CDH8: variants seen among roughly 807,000 people sequenced by gnomAD.
CDH8 encodes cadherin 8.
CDH8 carries 17 observed loss-of-function variants against 68.1 expected under a neutral mutation model. That is an observed-to-expected ratio of 0.25 (90% confidence interval 0.17 to 0.37). The LOEUF is 0.37. Among genes scored for constraint, CDH8 ranks in the 10% least tolerant of loss-of-function variants. CDH8 has a pLI of 1.00. For missense variants in CDH8, 763 were observed against 999.3 expected, an observed-to-expected ratio of 0.76 and a Z score of 3.19; for synonymous variants, 372 against 365.1, an observed-to-expected ratio of 1.02 and a Z score of -0.21.
chr16:61,760,321 T>TTATTTATC (rs1465663265), intron 8 of CDH8, among the ~76,000 whole-genome samples: 12 of 145,142 alleles, frequency 8.3e-5, no homozygotes, highest in Non-Finnish European at 1.2e-4. Flanking sequence ...ATTTATTTAT[T>TTATTTATC]TATCTACTGA....
At chr16:61,727,326 G>T in intron 8 of CDH8, 111 bp from the exon 9 acceptor site, 1 of 1,086,574 alleles carries the variant, frequency 9.2e-7, no homozygotes, top group Non-Finnish European at 1.3e-6. Context: ...TAATTAGGAT[G>T]TTTTCAACAT....
chr16:62,008,525 G>T (rs1458314775), intron 2 of CDH8, among the ~76,000 whole-genome samples: 1 of 151,914 alleles, frequency 6.6e-6, no homozygotes, highest in Admixed American at 6.6e-5. Context: ...GATGGGGAGG[G>T]TCTCGCTGTG....
At chr16:61,760,515 G>GT (rs1167649866) in intron 8 of CDH8, among the ~76,000 whole-genome samples, 1 of 151,758 alleles carries the variant, frequency 6.6e-6, no homozygotes, top group Non-Finnish European at 1.5e-5. Context: ...GCTTCACCAT[G>GT]TTGACCAGGC....
chr16:61,918,786 G>C (rs567683283), intron 2 of CDH8: 1 of 151,658 alleles, frequency 6.6e-6, no homozygotes, highest in Non-Finnish European at 1.5e-5. Context: ...CAAAGCAGCC[G>C]GGAAGCTCCA....
At chr16:61,727,007 T>C in intron 9 of CDH8, 87 bp downstream of exon 9, 1 of 1,372,222 alleles carries the variant, frequency 7.3e-7, no homozygotes, top group Non-Finnish European at 1.0e-6. Context: ...TCATAAATGA[T>C]GCAAATGCAC....
chr16:61,971,268 G>A (rs552196137), intron 2 of CDH8, among the ~76,000 whole-genome samples: 6 of 152,214 alleles, frequency 3.9e-5, no homozygotes, highest in South Asian at 2.1e-4. Flanking sequence ...TCACACGGAC[G>A]TGCATGAACG....
At chr16:61,877,297 G>T (rs1294994144) in intron 3 of CDH8, among the ~76,000 whole-genome samples, 3 of 135,572 alleles carry the variant, frequency 2.2e-5, no homozygotes, top group Admixed American at 1.4e-4. Context: ...GGGTAATATG[G>T]AATTATTTAA....
Position 61,652,681 on chromosome 16 carries a change from A to T in CDH8, c.*927T>A. On this transcript the variant is annotated 3_prime_UTR_variant, in exon 12 of 12. Transcript: ENST00000577390. ...AAAGGATTATTAATGGATATAATTT[A>T]GTTTTTTCCCATATATCCCCTTAAT... 3.4e-6 allele frequency: 4 copies of T among 1,191,792 alleles called. No individual in the cohort carries two copies. The highest frequency in any genetic ancestry group is 3.2e-6 in the Non-Finnish European group (3 of 941,222). The allele number at this position is 1,191,792 out of a possible 1,614,324, so 73.8% of individuals were successfully genotyped here. A position where few individuals can be genotyped will look rare whatever the true frequency, so the allele number is the denominator to read the frequency against.
intron 10 of CDH8, among the ~76,000 whole-genome samples, chr16:61,710,408 T>A (rs188676703): frequency 2.6e-4 from 40 of 152,216 alleles, no homozygotes; most frequent in African/African-American, 8.7e-4. Flanking sequence ...GCATGTTTAT[T>A]CCAAAGTAAT....
intron 8 of CDH8, among the ~76,000 whole-genome samples, chr16:61,779,392 C>T (rs1461537911): frequency 6.7e-6 from 1 of 149,770 alleles, no homozygotes; most frequent in Non-Finnish European, 1.5e-5. Context: ...CTTTGCCTCC[C>T]TTTGCAGTAT....
In CDH8 at chr16:61,653,384, A is replaced by T; in HGVS notation, c.*224T>A. ...ATCAAATATCCAAGGACTTCTAGAC[A>T]CTCCACATACTTAATTCACACTCCA... On this transcript the variant is annotated 3_prime_UTR_variant, in exon 12 of 12. Coordinates refer to ENST00000577390, the MANE Select transcript of CDH8 (RefSeq NM_001796.5). The T allele has an allele frequency of 9.8e-6, 13 of 1,327,786 alleles. No individual in the cohort carries two copies. Among genetic ancestry groups the T allele is most frequent in the Non-Finnish European group, 1.1e-5 (12 of 1,044,508 alleles). 82.3% of individuals were successfully genotyped at this position (1,327,786 alleles called of 1,614,324 possible).
At chr16:61,891,605 C>T (rs1963779418) in intron 3 of CDH8, among the ~76,000 whole-genome samples, 1 of 152,116 alleles carries the variant, frequency 6.6e-6, no homozygotes, top group Non-Finnish European at 1.5e-5. Flanking sequence ...GCATCAACTG[C>T]CTACATATCT....
chr16:61,734,262 T>A (rs910251708), intron 8 of CDH8, among the ~76,000 whole-genome samples: 13 of 152,062 alleles, frequency 8.5e-5, no homozygotes, highest in Non-Finnish European at 1.5e-4. Flanking sequence ...GCAGTTGGAG[T>A]TGAGGTAGGT....
At chr16:61,861,024 T>G (rs1476003781) in intron 3 of CDH8, among the ~76,000 whole-genome samples, 1 of 152,150 alleles carries the variant, frequency 6.6e-6, no homozygotes, top group Non-Finnish European at 1.5e-5. Flanking sequence ...AGGGTTATTG[T>G]GAGAATTAAA....
intron 2 of CDH8, among the ~76,000 whole-genome samples, chr16:61,947,707 G>T (rs1384595550): frequency 6.6e-6 from 1 of 151,956 alleles, no homozygotes; most frequent in Non-Finnish European, 1.5e-5. Context: ...TCTTTAAAAA[G>T]CTTCATTCAT....
chr16:62,009,095 T>C (rs542880875), intron 2 of CDH8, among the ~76,000 whole-genome samples: 1 of 152,024 alleles, frequency 6.6e-6, no homozygotes, highest in East Asian at 1.9e-4. Context: ...TAAATAAAGC[T>C]TTTGAGTGGC....
At position 61,653,058 on chromosome 16, in the gene CDH8, C is replaced by T. The variant is rs1051905935; in HGVS notation, c.*550G>A. On this transcript the variant is annotated 3_prime_UTR_variant, in exon 12 of 12. Transcript: ENST00000577390. ...AGTGAGTGGGGCCAACAATTATGTA[C>T]AATGTGTGGTCACCGTACTGTATAA... 2.2e-6 allele frequency: 3 copies of T among 1,374,378 alleles called. No homozygotes were observed. The highest frequency in any genetic ancestry group is 1.5e-5 in the African/African-American group (1 of 67,928). The allele number at this position is 1,374,378 out of a possible 1,614,324, so 85.1% of individuals were successfully genotyped here. A position where few individuals can be genotyped will look rare whatever the true frequency, so the allele number is the denominator to read the frequency against.
At chr16:62,002,780 G>A (rs1175355459) in intron 2 of CDH8, among the ~76,000 whole-genome samples, 3 of 152,306 alleles carry the variant, frequency 2.0e-5, no homozygotes, top group South Asian at 2.1e-4. Flanking sequence ...TTGGCCGGGT[G>A]CGGTGGCTCA....
At chr16:61,808,093 T>G (rs971942638) in intron 7 of CDH8, among the ~76,000 whole-genome samples, 1 of 152,238 alleles carries the variant, frequency 6.6e-6, no homozygotes, top group Non-Finnish European at 1.5e-5. Flanking sequence ...ATATTTTTCA[T>G]ATCCTTTGCT....
Sources: allele counts gnomAD v4.1 joint callset (sites outside exome capture counted in the v4.1 genomes callset), GRCh38; gene constraint gnomAD v4.1.1; transcripts MANE v1.5; gene names NCBI Gene and HGNC (gene_info 2026-07-23, HGNC 2026-07-21).